Variants in OXR1 observed in about 807,000 individuals in gnomAD.
The protein encoded by OXR1 is oxidation resistance 1.
Under a neutral mutation model 104.6 loss-of-function variants are expected in OXR1, and 41 were observed. The observed-to-expected ratio is 0.39, with a 90% CI of 0.31 to 0.51. The LOEUF (loss-of-function observed/expected upper bound fraction) is 0.51, where lower values mean the gene tolerates loss of function less well. Among genes scored for constraint, OXR1 ranks in the 20% least tolerant of loss-of-function variants. OXR1 has a pLI of 0.77. For missense variants in OXR1, 955 were observed against 1,031.9 expected (o/e 0.93, Z 1.02); for synonymous variants, 348 against 348.4 (o/e 1.00, Z 0.01).
chr8:106,388,669 G>A (rs986440915), intron 2 of OXR1, among the ~76,000 whole-genome samples: 8 of 152,094 alleles, frequency 5.3e-5, no homozygotes, highest in East Asian at 1.9e-4. Context: ...TGATCCGCCC[G>A]CCTCGGCCTC....
chr8:106,708,052 T>A (rs1359070206), intron 9 of OXR1, among the ~76,000 whole-genome samples: 1 of 152,146 alleles, frequency 6.6e-6, no homozygotes, highest in African/African-American at 2.4e-5. Context: ...TACTGTCCAT[T>A]TCCAGAGCTT....
intron 6 of OXR1, among the ~76,000 whole-genome samples, chr8:106,688,832 A>T (rs935369810): frequency 6.6e-6 from 1 of 152,112 alleles, no homozygotes; most frequent in African/African-American, 2.4e-5. Context: ...GTTCTTAACT[A>T]CTTTTTGTAC....
intron 3 of OXR1, among the ~76,000 whole-genome samples, chr8:106,586,610 A>G (rs754139019): frequency 6.6e-6 from 1 of 152,226 alleles, no homozygotes; most frequent in Non-Finnish European, 1.5e-5. Context: ...GGTGATAGCA[A>G]AAACCATGGA....
intron 3 of OXR1, among the ~76,000 whole-genome samples, chr8:106,547,235 A>G (rs182678507): frequency 5.9e-4 from 90 of 152,290 alleles, no homozygotes; most frequent in African/African-American, 2.2e-3. Context: ...TGAAGTACAC[A>G]TCGCCACCAT....
In OXR1 at chr8:106,554,861, A is replaced by C. The variant is rs73699585; in HGVS notation, c.220+35722A>C. Among the ~76,000 whole-genome samples, 1,502 of 152,318 alleles carry C rather than the reference A, an allele frequency of 9.9e-3. 28 individuals carry two copies. The highest frequency in any genetic ancestry group is 0.033 in the African/African-American group (1,384 of 41,566). ...CCCAGATTAAAGCAGAATGTCCAAG[A>C]GTAGGACCAAGGAATTGATATTTTT... On this transcript the variant is annotated intron_variant, in intron 3 of 16. Coordinates refer to ENST00000517566, the MANE Select transcript of OXR1 (RefSeq NM_001198533.2).
chr8:106,384,855 C>T (rs1464852552), intron 2 of OXR1, among the ~76,000 whole-genome samples: 3 of 151,438 alleles, frequency 2.0e-5, no homozygotes, highest in Non-Finnish European at 4.4e-5. Context: ...GCTGGAATTA[C>T]AGGCATGCAC....
intron 2 of OXR1, among the ~76,000 whole-genome samples, chr8:106,429,942 C>G (rs1819291910): frequency 6.6e-6 from 1 of 152,004 alleles, no homozygotes; most frequent in African/African-American, 2.4e-5. Context: ...TCAGTAATCT[C>G]TGTAATAATT....
chr8:106,480,676 A>G (rs1822060498), intron 2 of OXR1, among the ~76,000 whole-genome samples: 1 of 151,906 alleles, frequency 6.6e-6, no homozygotes, highest in Admixed American at 6.6e-5. Flanking sequence ...GTGCTCCAAC[A>G]ATGGGGGAGG....
intron 4 of OXR1, among the ~76,000 whole-genome samples, chr8:106,682,726 T>C (rs1048309222): frequency 6.6e-6 from 1 of 152,178 alleles, no homozygotes; most frequent in Admixed American, 6.5e-5. Flanking sequence ...CAGAACTAAA[T>C]AACTCAACTT....
chr8:106,704,092 C>T (rs573513132), intron 8 of OXR1, among the ~76,000 whole-genome samples: 12 of 152,154 alleles, frequency 7.9e-5, no homozygotes, highest in Admixed American at 7.2e-4. Context: ...TCCACTGTAC[C>T]TTCCACCCAA....
chr8:106,313,601 T>C (rs1460185331), intron 1 of OXR1, among the ~76,000 whole-genome samples: 2 of 150,850 alleles, frequency 1.3e-5, no homozygotes, highest in Non-Finnish European at 3.0e-5. Flanking sequence ...TGCTGTTTTG[T>C]GATGAGGAAG....
chr8:106,286,446 C>T (rs1379961952), intron 1 of OXR1, among the ~76,000 whole-genome samples: 3 of 147,232 alleles, frequency 2.0e-5, no homozygotes, highest in African/African-American at 8.0e-5. Flanking sequence ...ACTGAGGTGG[C>T]AGCAGGAAGG....
chr8:106,671,920 TAACA>T (rs1460500666), intron 3 of OXR1, among the ~76,000 whole-genome samples: 2 of 149,938 alleles, frequency 1.3e-5, no homozygotes, highest in Non-Finnish European at 3.0e-5. Flanking sequence ...GATACATATG[TAACA>T]AACCTGCATG....
rs1554592489 is a variant in OXR1, at chr8:106,551,813, T to TAC, written c.220+32688_220+32689dup. Reference sequence around the variant, plus strand: ...ACATATATATATATATATATATATATACACACACACACACATATATATATG... The same window carrying TAC: ...ACATATATATATATATATATATATATACACACACACACACACATATATATATG... On this transcript the variant is annotated intron_variant, in intron 3 of 16. Coordinates refer to ENST00000517566, the MANE Select transcript of OXR1 (RefSeq NM_001198533.2). Among the ~76,000 whole-genome samples, 913 of 95,972 alleles carry TAC rather than the reference T, an allele frequency of 9.5e-3. 4 individuals are homozygous for TAC. Among genetic ancestry groups the TAC allele is most frequent in the Middle Eastern group, 0.028 (5 of 176 alleles). 63.0% of individuals were successfully genotyped at this position (95,972 alleles called of 152,430 possible). A position where few individuals can be genotyped will look rare whatever the true frequency, so the allele number is the denominator to read the frequency against.
intron 2 of OXR1, among the ~76,000 whole-genome samples, chr8:106,394,524 C>G (rs1481287774): frequency 1.3e-5 from 2 of 152,062 alleles, no homozygotes; most frequent in Non-Finnish European, 2.9e-5. Flanking sequence ...AAACTGGAAA[C>G]CACCTGAATG....
chr8:106,577,144 T>C (rs1817896083), intron 3 of OXR1, among the ~76,000 whole-genome samples: 1 of 151,994 alleles, frequency 6.6e-6, no homozygotes, highest in Admixed American at 6.6e-5. Context: ...TTACAATGGA[T>C]ATATATGTCA....
chr8:106,538,543 G>C (rs1814718916), intron 3 of OXR1, among the ~76,000 whole-genome samples: 1 of 151,806 alleles, frequency 6.6e-6, no homozygotes, highest in Non-Finnish European at 1.5e-5. Flanking sequence ...CTTGTTTATT[G>C]CTCATTCATA....
chr8:106,631,208 C>T (rs780134680), intron 3 of OXR1, among the ~76,000 whole-genome samples: 53 of 152,162 alleles, frequency 3.5e-4, no homozygotes, highest in Non-Finnish European at 7.1e-4. Flanking sequence ...TCCTTATACC[C>T]TAGTTCCTTC....
intron 3 of OXR1, among the ~76,000 whole-genome samples, chr8:106,586,926 A>G (rs922191816): frequency 6.6e-6 from 1 of 152,214 alleles, no homozygotes; most frequent in Non-Finnish European, 1.5e-5. Flanking sequence ...TTTTAAAAAG[A>G]GCATGGAAAG....
Sources: allele counts gnomAD v4.1 joint callset (sites outside exome capture counted in the v4.1 genomes callset), GRCh38; gene constraint gnomAD v4.1.1; transcripts MANE v1.5; gene names NCBI Gene and HGNC (gene_info 2026-07-23, HGNC 2026-07-21).